ASB3: variants seen among roughly 807,000 people sequenced by gnomAD.
The protein encoded by ASB3 is ankyrin repeat and SOCS box containing 3, also known as ankyrin repeat and SOCS box protein 3.
Under a neutral mutation model 54.5 loss-of-function variants are expected in ASB3, and 41 were observed. The ratio of observed to expected loss-of-function variants is 0.75; its 90% CI spans 0.59 to 0.98. The LOEUF is 0.98. Ranked by LOEUF, ASB3 falls within the 50% of genes least tolerant of loss-of-function variation. The pLI, the probability that ASB3 is intolerant of heterozygous loss-of-function variation, is 0.00. For synonymous variants in ASB3, 266 were observed against 221.2 expected, an observed-to-expected ratio of 1.20 and a Z score of -1.80; for missense variants, 733 against 620.0, an observed-to-expected ratio of 1.18 and a Z score of -1.94.
intron 2 of ASB3, among the ~76,000 whole-genome samples, chr2:53,755,095 C>T (rs1672740827): frequency 1.3e-5 from 2 of 152,194 alleles, no homozygotes; most frequent in South Asian, 4.1e-4. Flanking sequence ...TCCTTCTCAA[C>T]TTATTGAAAC....
At chr2:53,731,632 C>T (rs1671321118) in intron 3 of ASB3, among the ~76,000 whole-genome samples, 1 of 152,152 alleles carries the variant, frequency 6.6e-6, no homozygotes, top group African/African-American at 2.4e-5. Flanking sequence ...TAAATATATA[C>T]ACTGACAGTA....
At chr2:53,773,763 G>C (rs1188075079) in intron 1 of ASB3, among the ~76,000 whole-genome samples, 1 of 151,766 alleles carries the variant, frequency 6.6e-6, no homozygotes, top group East Asian at 2.0e-4. Context: ...AGGCAGGCAT[G>C]GTGGTTCACA....
At chr2:53,719,858 T>A (rs1429330574) in intron 5 of ASB3, among the ~76,000 whole-genome samples, 1 of 152,006 alleles carries the variant, frequency 6.6e-6, no homozygotes, top group Non-Finnish European at 1.5e-5. Flanking sequence ...GCTCAGGAGT[T>A]CAAGACCAGC....
chr2:53,755,671 A>C (rs911092241), intron 2 of ASB3, among the ~76,000 whole-genome samples: 15 of 152,234 alleles, frequency 9.9e-5, no homozygotes, highest in African/African-American at 3.4e-4. Context: ...TTATGTGCAA[A>C]CTTCTCAGAC....
rs1188419077 is a variant in ASB3, at chr2:53,760,170, T to C, written c.196+5207A>G. ...ACATCCTAGGAAAAGCAGGGGCCGT[T>C]ATACACTAGAATTAGGAGAAGGAAA... On this transcript the variant is annotated intron_variant, in intron 2 of 9. Transcript: ENST00000263634. Among the ~76,000 whole-genome samples the C allele has an allele frequency of 2.6e-4, 39 of 152,132 alleles. 1 individual carries two copies. The highest frequency in any genetic ancestry group is 2.5e-4 in the Non-Finnish European group (17 of 68,020).
chr2:53,765,232 A>C (rs1166070025), intron 2 of ASB3, 145 bp downstream of exon 2: 1 of 1,192,442 alleles, frequency 8.4e-7, no homozygotes, highest in African/African-American at 1.5e-5. Context: ...CAATCTTACT[A>C]TCCTTAATAA....
At chr2:53,770,457 G>A (rs1673819339) in intron 1 of ASB3, among the ~76,000 whole-genome samples, 4 of 132,660 alleles carry the variant, frequency 3.0e-5, no homozygotes, top group African/African-American at 1.1e-4. Flanking sequence ...TAAGGTATCA[G>A]TACACATACA....
At chr2:53,712,752 A>G (rs1572890287) in intron 7 of ASB3, among the ~76,000 whole-genome samples, 1 of 151,868 alleles carries the variant, frequency 6.6e-6, no homozygotes, top group African/African-American at 2.4e-5. Context: ...TTGAACACAC[A>G]CACACACACA....
At chr2:53,784,915 A>G (rs1457394790) in intron 1 of ASB3, among the ~76,000 whole-genome samples, 7 of 152,264 alleles carry the variant, frequency 4.6e-5, no homozygotes, top group South Asian at 4.1e-4. Context: ...AGCAGCCACA[A>G]TGATCTTCAC....
intron 3 of ASB3, among the ~76,000 whole-genome samples, chr2:53,741,668 C>T (rs1443404225): frequency 6.6e-6 from 1 of 152,184 alleles, no homozygotes; most frequent in East Asian, 1.9e-4. Context: ...CAAATTATTA[C>T]AAAAATACTG....
chr2:53,772,618 C>T (rs1475611406), intron 1 of ASB3, among the ~76,000 whole-genome samples: 1 of 151,560 alleles, frequency 6.6e-6, no homozygotes, highest in African/African-American at 2.4e-5. Context: ...TGCTACCAGT[C>T]TCATTTTCAG....
intron 1 of ASB3, chr2:53,774,890 G>C: frequency 6.0e-6 from 1 of 165,540 alleles, no homozygotes; most frequent in Non-Finnish European, 1.3e-5. Context: ...TAAATATAAG[G>C]TTATGCCTTC....
At chr2:53,738,684 G>A (rs11897282) in intron 3 of ASB3, among the ~76,000 whole-genome samples, 24,993 of 152,074 alleles carry the variant, frequency 0.16, 2,101 homozygotes, top group South Asian at 0.23. Flanking sequence ...AGAGCCAGGC[G>A]ATCAGCTGCA....
chr2:53,675,000 A>C (rs965135169), intron 9 of ASB3, among the ~76,000 whole-genome samples: 2 of 152,216 alleles, frequency 1.3e-5, no homozygotes, highest in African/African-American at 4.8e-5. Flanking sequence ...GCTGGCGCTG[A>C]GGTGCCACTA....
intron 1 of ASB3, among the ~76,000 whole-genome samples, chr2:53,783,929 C>A (rs569028066): frequency 6.6e-6 from 1 of 152,264 alleles, no homozygotes; most frequent in South Asian, 2.1e-4. Context: ...CTAACCCAGG[C>A]ATGATACAAA....
intron 3 of ASB3, among the ~76,000 whole-genome samples, chr2:53,732,113 C>T (rs934909333): frequency 3.3e-5 from 5 of 151,934 alleles, no homozygotes; most frequent in African/African-American, 1.2e-4. Context: ...TGTGCACCAC[C>T]ATGTCTGGCT....
In ASB3 at chr2:53,700,549, A is replaced by C. The variant is rs1317467698; in HGVS notation, c.981-21T>G. 3.8e-6 allele frequency: 6 copies of C among 1,576,588 alleles called. No individual in the cohort carries two copies. In the African/African-American group the frequency reaches 5.5e-5, roughly 14 times the overall value. On this transcript the variant is annotated intron_variant, in intron 7 of 9. Coordinates refer to ENST00000263634, the MANE Select transcript of ASB3 (RefSeq NM_016115.5). ...CACAGCTCCACCATAAAAAATAAAA[A>C]CAAAAAAAGAAGAAGTTAGACTTTG...
intron 9 of ASB3, among the ~76,000 whole-genome samples, chr2:53,691,268 G>A (rs922351227): frequency 1.6e-4 from 24 of 152,086 alleles, no homozygotes; most frequent in Non-Finnish European, 3.2e-4. Flanking sequence ...AAAAGGGGAG[G>A]AAAGAATAAT....
chr2:53,742,659 A>C (rs953266516), intron 3 of ASB3, among the ~76,000 whole-genome samples: 5 of 152,142 alleles, frequency 3.3e-5, no homozygotes, highest in African/African-American at 9.7e-5. Context: ...AAGCAAAAAC[A>C]ATCATAAAAA....
Sources: allele counts gnomAD v4.1 joint callset (sites outside exome capture counted in the v4.1 genomes callset), GRCh38; gene constraint gnomAD v4.1.1; transcripts MANE v1.5; gene names NCBI Gene and HGNC (gene_info 2026-07-23, HGNC 2026-07-21).